Variants in LRGUK observed in about 807,000 individuals in gnomAD.
LRGUK encodes leucine-rich repeat and guanylate kinase domain-containing protein.
In LRGUK, 65 loss-of-function variants were observed where a neutral mutation model predicts 76.0. That is an observed-to-expected ratio of 0.85 (90% confidence interval 0.70 to 1.05). LRGUK has a LOEUF of 1.05. Ranked by LOEUF, LRGUK falls within the 50% of genes least tolerant of loss-of-function variation. The pLI is 0.00. For synonymous variants in LRGUK, 268 were observed against 265.6 expected, an observed-to-expected ratio of 1.01 and a Z score of -0.09; for missense variants, 758 against 732.8, an observed-to-expected ratio of 1.03 and a Z score of -0.40.
At chr7:134,259,267 ACT>A (rs1802661446) in intron 19 of LRGUK, among the ~76,000 whole-genome samples, 1 of 152,098 alleles carries the variant, frequency 6.6e-6, no homozygotes, top group Admixed American at 6.6e-5. Flanking sequence ...CACAAATAAC[ACT>A]GAGTAAAGAC....
intron 4 of LRGUK, among the ~76,000 whole-genome samples, chr7:134,147,661 G>A (rs969871058): frequency 1.3e-5 from 2 of 152,142 alleles, no homozygotes; most frequent in East Asian, 3.9e-4. Flanking sequence ...TGGAGAGCGT[G>A]GCTGCAGGAA....
At chr7:134,210,338 G>T, downstream of LRGUK, 1 of 398,372 alleles carries the variant, frequency 2.5e-6, no homozygotes, top group Non-Finnish European at 4.4e-6. Context: ...TTCCTGAGCC[G>T]CCCCACGCCG....
chr7:134,167,490 C>T (rs1253795819), intron 7 of LRGUK, among the ~76,000 whole-genome samples: 1 of 152,150 alleles, frequency 6.6e-6, no homozygotes, highest in African/African-American at 2.4e-5. Flanking sequence ...AGCACTGGCT[C>T]ACTGAGTAGA....
intron 7 of LRGUK, among the ~76,000 whole-genome samples, chr7:134,164,358 A>C (rs1310111513): frequency 6.6e-6 from 1 of 152,210 alleles, no homozygotes; most frequent in Non-Finnish European, 1.5e-5. Context: ...ACCAATCTGC[A>C]TGGTGGCTTG....
intron 13 of LRGUK, 56 bp downstream of exon 13, chr7:134,197,161 GTGTGTA>G (rs1448593411): frequency 1.3e-5 from 12 of 911,192 alleles, no homozygotes; most frequent in African/African-American, 5.4e-5. Context: ...AGTGTGGTGT[GTGTGTA>G]TGTGTGTGTG....
intron 6 of LRGUK, among the ~76,000 whole-genome samples, chr7:134,159,801 C>G (rs992206933): frequency 1.3e-5 from 2 of 151,936 alleles, no homozygotes; most frequent in African/African-American, 4.8e-5. Context: ...AAAAACAAAA[C>G]AAACAAAAAA....
chr7:134,146,293 T>A, intron 4 of LRGUK, among the ~76,000 whole-genome samples: 1 of 151,672 alleles, frequency 6.6e-6, no homozygotes, highest in Non-Finnish European at 1.5e-5. Context: ...AGAAACCTAA[T>A]ACCATAGCTA....
intron 10 of LRGUK, among the ~76,000 whole-genome samples, chr7:134,181,466 T>A (rs1799745542): frequency 6.6e-6 from 1 of 151,988 alleles, no homozygotes; most frequent in African/African-American, 2.4e-5. Flanking sequence ...TATGTCCTGG[T>A]TTAGTTCTGA....
intron 16 of LRGUK, among the ~76,000 whole-genome samples, chr7:134,225,872 G>A (rs1488606968): frequency 1.3e-5 from 2 of 152,174 alleles, no homozygotes; most frequent in African/African-American, 2.4e-5. Flanking sequence ...TATGATGTGT[G>A]TTAGAGAACA....
At chr7:134,263,974 A>ATTTGTATTTTTG in exon 20 of LRGUK, 1 of 1,606,592 alleles carries the variant, frequency 6.2e-7, no homozygotes, top group Non-Finnish European at 8.5e-7. Flanking sequence ...GGCCGCAGGT[A>ATTTGTATTTTTG]GACTAGCACT....
intron 15 of LRGUK, among the ~76,000 whole-genome samples, chr7:134,219,092 T>C (rs1304567439): frequency 6.6e-6 from 1 of 152,216 alleles, no homozygotes; most frequent in Non-Finnish European, 1.5e-5. Flanking sequence ...TTGACTTTAA[T>C]TTAGATAGCT....
chr7:134,248,232 C>T (rs368441170), intron 17 of LRGUK, among the ~76,000 whole-genome samples: 3 of 152,260 alleles, frequency 2.0e-5, no homozygotes, highest in South Asian at 4.1e-4. Context: ...CCTAGGTGAC[C>T]ACTGCCCAGC....
intron 16 of LRGUK, among the ~76,000 whole-genome samples, chr7:134,225,141 A>C (rs893905742): frequency 2.0e-5 from 3 of 151,012 alleles, no homozygotes; most frequent in East Asian, 3.9e-4. Flanking sequence ...AAAAAAAAAA[A>C]AAAAAAAACC....
At chr7:134,186,019 C>G (rs539433797) in intron 11 of LRGUK, among the ~76,000 whole-genome samples, 1 of 152,300 alleles carries the variant, frequency 6.6e-6, no homozygotes, top group African/African-American at 2.4e-5. Context: ...GAAGGACAAA[C>G]TAGGGCAAAA....
chr7:134,143,029 C>T, intron 3 of LRGUK, 33 bp from the exon 4 acceptor site: 1 of 1,154,414 alleles, frequency 8.7e-7, no homozygotes, highest in Non-Finnish European at 1.3e-6. Flanking sequence ...ATTTTATTGG[C>T]TTACCTTATT....
chr7:134,217,332 G>T (rs578054312), intron 15 of LRGUK, among the ~76,000 whole-genome samples: 1 of 151,998 alleles, frequency 6.6e-6, no homozygotes, highest in Admixed American at 6.6e-5. Context: ...ATGTAAATGT[G>T]TATGTTTTCC....
At chr7:134,224,211 A>G (rs990489596) in intron 16 of LRGUK, among the ~76,000 whole-genome samples, 6 of 152,168 alleles carry the variant, frequency 3.9e-5, no homozygotes, top group Non-Finnish European at 5.9e-5. Flanking sequence ...CCTTCAGACC[A>G]CTAAATCCTG....
downstream of LRGUK, among the ~76,000 whole-genome samples, chr7:134,268,712 A>C (rs1802904681): frequency 6.9e-6 from 1 of 145,974 alleles, no homozygotes; most frequent in Non-Finnish European, 1.5e-5. Flanking sequence ...ATATATGCAA[A>C]AAATCTTTTT....
At chr7:134,199,311 G>T in exon 14 of LRGUK, 1 of 1,613,834 alleles carries the variant, frequency 6.2e-7, no homozygotes, top group Non-Finnish European at 8.5e-7. Flanking sequence ...TATTTGCGGA[G>T]AAAAGGATTA....
Sources: allele counts gnomAD v4.1 joint callset (sites outside exome capture counted in the v4.1 genomes callset), GRCh38; gene constraint gnomAD v4.1.1; transcripts MANE v1.5; gene names NCBI Gene and HGNC (gene_info 2026-07-23, HGNC 2026-07-21).